WNT5B: variants seen among roughly 807,000 people sequenced by gnomAD.
WNT5B encodes Wnt family member 5B, also known as protein Wnt-5b.
A neutral mutation model predicts 36.5 loss-of-function variants in WNT5B; 18 were observed. That is an observed-to-expected ratio of 0.49 (90% CI 0.34 to 0.73). The LOEUF is 0.73. Among genes scored for constraint, WNT5B ranks in the 30% least tolerant of loss-of-function variants. The pLI, the probability that WNT5B is intolerant of heterozygous loss-of-function variation, is 0.01. For synonymous variants in WNT5B, 213 were observed against 212.3 expected (o/e 1.00, Z -0.03); for missense variants, 424 against 508.4 (o/e 0.83, Z 1.60).
upstream of WNT5B, among the ~76,000 whole-genome samples, chr12:1,625,956 CCCTG>C (rs1280987909): frequency 2.0e-5 from 3 of 151,634 alleles, no homozygotes; most frequent in Non-Finnish European, 4.4e-5. Context: ...AGCCACCGCA[CCCTG>C]CCTGTTTTTT....
chr12:1,635,529 A>C (rs532199507), intron 3 of WNT5B, among the ~76,000 whole-genome samples: 41 of 152,224 alleles, frequency 2.7e-4, no homozygotes, highest in Non-Finnish European at 5.4e-4. Flanking sequence ...GATTGGAGTC[A>C]TTTGAAAAAG....
intron 4 of WNT5B, 42 bp from the exon 5 acceptor site, chr12:1,645,752 A>T (rs2094584102): frequency 6.5e-7 from 1 of 1,533,436 alleles, no homozygotes; most frequent in Admixed American, 2.0e-5. Flanking sequence ...GGCCTCTTCC[A>T]CCGGGATCCT....
rs142058129 is a variant in WNT5B, at chr12:1,639,096, A to T, written c.329-588A>T. Among the ~76,000 whole-genome samples, 408 of 151,946 alleles carry T rather than the reference A, an allele frequency of 2.7e-3. 7 individuals are homozygous for T. Among genetic ancestry groups the T allele is most frequent in the African/African-American group, 9.4e-3 (390 of 41,434 alleles). ...GGTCACACAGGCTCTTCTGCAGTGGATATTAATGCAGGCCAGGACCGGAGG... is the reference window on the plus strand; with the variant it reads ...GGTCACACAGGCTCTTCTGCAGTGGTTATTAATGCAGGCCAGGACCGGAGG... On this transcript the variant is annotated intron_variant, in intron 3 of 4. Coordinates refer to ENST00000397196, the MANE Select transcript of WNT5B (RefSeq NM_032642.3).
rs571542351 is a variant in WNT5B, at chr12:1,634,052, T to A, written c.328+1147T>A. On this transcript the variant is annotated intron_variant, in intron 3 of 4. Transcript: ENST00000397196. ...GAGACCTCTGTCTCTATAAAAAAAATTTTTTTTTTCTAAAGAGAGAGAGGG... is the reference window on the plus strand; with the variant it reads ...GAGACCTCTGTCTCTATAAAAAAAAATTTTTTTTTCTAAAGAGAGAGAGGG... Among the ~76,000 whole-genome samples the A allele has an allele frequency of 3.4e-4, 52 of 151,282 alleles. 1 individual carries two copies. Among genetic ancestry groups the A allele is most frequent in the African/African-American group, 9.9e-4 (41 of 41,230 alleles).
At chr12:1,629,890 G>A (rs2154439494) in intron 1 of WNT5B, 1 of 153,586 alleles carries the variant, frequency 6.5e-6, no homozygotes, top group South Asian at 2.1e-4. Flanking sequence ...TCCCGGGCTG[G>A]GGGCCGGCTC....
intron 3 of WNT5B, among the ~76,000 whole-genome samples, chr12:1,635,373 A>C (rs2094558746): frequency 6.6e-6 from 1 of 152,262 alleles, no homozygotes; most frequent in Non-Finnish European, 1.5e-5. Flanking sequence ...GTAGCTTGGA[A>C]AAGTGAAAAC....
At position 1,644,581 on chromosome 12, in the gene WNT5B, C is replaced by T. The variant is rs1334300450; in HGVS notation, c.622-1213C>T. ...TCTGAATAAAGACACAATCTGGGGGCTCTTGAAAAGAAATCTAAGAGAAAC... is the reference window on the plus strand; with the variant it reads ...TCTGAATAAAGACACAATCTGGGGGTTCTTGAAAAGAAATCTAAGAGAAAC... On this transcript the variant is annotated intron_variant, in intron 4 of 4. Transcript: ENST00000397196. This position sits in a 1 kb window ranked among gnomAD's most constrained non-coding sequence, Gnocchi z 5.1. Among the ~76,000 whole-genome samples the T allele has an allele frequency of 1.3e-5, 2 of 152,212 alleles. No individual in the cohort carries two copies. The highest frequency in any genetic ancestry group is 2.9e-5 in the Non-Finnish European group (2 of 68,036).
chr12:1,643,145 TG>T (rs2094578553), intron 4 of WNT5B, among the ~76,000 whole-genome samples: 1 of 152,120 alleles, frequency 6.6e-6, no homozygotes, highest in Non-Finnish European at 1.5e-5. Context: ...AAGTTTCTCT[TG>T]GCCTGCAAGA....
intron 4 of WNT5B, among the ~76,000 whole-genome samples, chr12:1,642,938 C>T (rs1592539259): frequency 1.3e-5 from 2 of 152,170 alleles, no homozygotes; most frequent in South Asian, 4.1e-4. Flanking sequence ...GAACAGGCCT[C>T]GGCCATCAGT....
chr12:1,630,195 T>A lies in WNT5B; in HGVS notation c.-58+824T>A. 1 of 985,212 alleles carries A rather than the reference T, an allele frequency of 1.0e-6. No individual in the cohort carries two copies. Among genetic ancestry groups the A allele is most frequent in the Non-Finnish European group, 1.2e-6 (1 of 829,864 alleles). 61.0% of individuals were successfully genotyped at this position (985,212 alleles called of 1,614,324 possible). On this transcript the variant is annotated intron_variant, in intron 1 of 4. Coordinates refer to ENST00000397196, the MANE Select transcript of WNT5B (RefSeq NM_032642.3). This position sits in a 1 kb window ranked among gnomAD's most constrained non-coding sequence, Gnocchi z 5.3. ...ACGCCGACGCGCGAGAGTGGCGCAG[T>A]GAGCCGGGGCGCGCGGGGCTGCGCT...
At chr12:1,626,120 G>T (rs11061880), upstream of WNT5B, among the ~76,000 whole-genome samples, 1 of 151,358 alleles carries the variant, frequency 6.6e-6, no homozygotes, top group South Asian at 2.1e-4. Context: ...CACCATGCTC[G>T]GCTAACTTTA....
chr12:1,639,707 C>T lies in WNT5B; in HGVS notation c.352C>T (p.His118Tyr), dbSNP rs2154439766. 6.3e-7 allele frequency: 1 copy of T among 1,581,094 alleles called. No homozygotes were observed. Among genetic ancestry groups the T allele is most frequent in the Non-Finnish European group, 8.6e-7 (1 of 1,167,492 alleles). The part of the protein sequence containing the change: ...QIGSRETAFT[H>Y]AVSAAGVVNA... Reference sequence around the variant, plus strand: ...AGGCAGCCGAGAGACCGCCTTCACCCACGCGGTGAGCGCCGCGGGCGTGGT... The same window carrying T: ...AGGCAGCCGAGAGACCGCCTTCACCTACGCGGTGAGCGCCGCGGGCGTGGT... Residue 118 changes from histidine (H) to tyrosine (Y), a missense_variant, in exon 4 of 5, where the codon CAC (histidine) becomes TAC (tyrosine). Transcript: ENST00000397196.
At chr12:1,637,613 G>T (rs1407085569) in intron 3 of WNT5B, among the ~76,000 whole-genome samples, 1 of 151,466 alleles carries the variant, frequency 6.6e-6, no homozygotes, top group Non-Finnish European at 1.5e-5. Flanking sequence ...AGCCAGGCGC[G>T]GTGGCAGGTG....
chr12:1,631,892 C>G (rs2094551626), intron 2 of WNT5B, among the ~76,000 whole-genome samples: 1 of 152,092 alleles, frequency 6.6e-6, no homozygotes, highest in Non-Finnish European at 1.5e-5. Context: ...TTGTCATTGC[C>G]AAGTTGACAG....
At chr12:1,635,964 A>C (rs2094559863) in intron 3 of WNT5B, among the ~76,000 whole-genome samples, 1 of 152,150 alleles carries the variant, frequency 6.6e-6, no homozygotes, top group Non-Finnish European at 1.5e-5. Flanking sequence ...TGCCCAGATA[A>C]TCAAGAAGTA....
chr12:1,635,016 C>G (rs966438888), intron 3 of WNT5B, among the ~76,000 whole-genome samples: 5 of 152,158 alleles, frequency 3.3e-5, no homozygotes, highest in African/African-American at 1.2e-4. Context: ...AGATAAACCC[C>G]CACGTTGCTT....
chr12:1,646,346 AAATGGGTGGGTGCTATAC>A lies in WNT5B; in HGVS notation c.*100_*117del. On this transcript the variant is annotated 3_prime_UTR_variant, in exon 5 of 5. Coordinates refer to ENST00000397196, the MANE Select transcript of WNT5B (RefSeq NM_032642.3). ...AAATCTATTTTATATTTGTATAAGT[AAATGGGTGGGTGCTATAC>A]AATGGAAAGATGAAAATGGAAAGGA... is the stretch of plus-strand genomic sequence containing the variant. 9.4e-7 allele frequency: 1 copy of A among 1,065,732 alleles called. No homozygotes were observed. Among genetic ancestry groups the A allele is most frequent in the South Asian group, 2.6e-5 (1 of 38,776 alleles). The allele number at this position is 1,065,732 out of a possible 1,614,324, so 66.0% of individuals were successfully genotyped here.
intron 1 of WNT5B, among the ~76,000 whole-genome samples, chr12:1,622,950 C>G (rs115151929): frequency 2.6e-5 from 4 of 152,094 alleles, no homozygotes; most frequent in African/African-American, 4.8e-5. Flanking sequence ...GACAAAGGAG[C>G]TTGCTCTGCA....
chr12:1,628,679 C>G (rs1440917439), upstream of WNT5B, among the ~76,000 whole-genome samples: 2 of 152,222 alleles, frequency 1.3e-5, no homozygotes, highest in Non-Finnish European at 2.9e-5. Context: ...AGCCCCCATA[C>G]AGCTTCCTGC....
Sources: gnomAD v4.1 joint callset for allele counts (sites outside exome capture counted in the v4.1 genomes callset) on GRCh38, gnomAD v4.1.1 for gene constraint, Gnocchi (gnomAD v3.1) non-coding constraint, MANE v1.5 for transcripts, NCBI Gene and HGNC (gene_info 2026-07-23, HGNC 2026-07-21) for gene names.